RIC1: variants seen among roughly 807,000 people sequenced by gnomAD.
RIC1 encodes the protein RIC1 partner of RAB6A GEF complex, also known as guanine nucleotide exchange factor subunit RIC1.
Under a neutral mutation model 169.0 loss-of-function variants are expected in RIC1, and 88 were observed. The observed-to-expected ratio is 0.52, with a 90% CI of 0.44 to 0.62. The LOEUF is 0.62. RIC1 is among the 20% of genes least tolerant of loss of function. The probability of loss-of-function intolerance (pLI) is 0.00; values close to 1 mark genes in which losing one functional copy is unlikely to be tolerated. For synonymous variants in RIC1, 790 were observed against 601.5 expected (o/e 1.31, Z -4.59); for missense variants, 1,877 against 1,725.5 (o/e 1.09, Z -1.56).
At chr9:5,765,373 G>A (rs2131109288) in intron 19 of RIC1, 41 bp from the exon 20 acceptor site, 1 of 1,579,808 alleles carries the variant, frequency 6.3e-7, no homozygotes, top group African/African-American at 1.4e-5. Context: ...TTCCCAAATT[G>A]TGTAGTATAA....
At chr9:5,703,280 C>T (rs1431310983) in intron 3 of RIC1, among the ~76,000 whole-genome samples, 1 of 152,202 alleles carries the variant, frequency 6.6e-6, no homozygotes, top group African/African-American at 2.4e-5. Flanking sequence ...AAGAAAGGGA[C>T]TATAAGCCCC....
Position 5,754,894 on chromosome 9 carries a change from C to G in RIC1, c.1656C>G (p.Val552=), listed in dbSNP as rs192475946. Residue 552 remains valine, a synonymous_variant, in exon 15 of 26, where the codon GTC becomes GTG. Coordinates refer to ENST00000414202, the MANE Select transcript of RIC1 (RefSeq NM_020829.4). ...TAGCCTGGTGGAATGATTTTATGGT[C>G]CTTGCGTGTTATAACATAAATGACC... ...GGLAWWNDFM[V]LACYNINDRQ... is the part of the protein sequence containing the mutation. 3 of 1,571,128 alleles carry G rather than the reference C, an allele frequency of 1.9e-6. No homozygotes were observed. Among genetic ancestry groups the G allele is most frequent in the Non-Finnish European group, 2.6e-6 (3 of 1,152,480 alleles).
chr9:5,645,705 A>C (rs1162076847), intron 1 of RIC1, among the ~76,000 whole-genome samples: 1 of 152,224 alleles, frequency 6.6e-6, no homozygotes, highest in Non-Finnish European at 1.5e-5. Context: ...AGTTTTATCC[A>C]TGCTGTAGCA....
At chr9:5,759,607 T>A (rs1179427609) in intron 17 of RIC1, among the ~76,000 whole-genome samples, 1 of 152,232 alleles carries the variant, frequency 6.6e-6, no homozygotes, top group East Asian at 1.9e-4. Context: ...CAATTAGGGA[T>A]ATTTAAATAC....
At chr9:5,708,257 A>C (rs780406650) in intron 3 of RIC1, among the ~76,000 whole-genome samples, 1 of 152,118 alleles carries the variant, frequency 6.6e-6, no homozygotes, top group Non-Finnish European at 1.5e-5. Context: ...TAACATAGAT[A>C]TATAATTACT....
rs1454967143 is a variant in RIC1 at position 5,680,982 on chromosome 9, A to G, written c.253-8977A>G. Among the ~76,000 whole-genome samples the G allele has an allele frequency of 9.4e-5, 14 of 149,412 alleles. No homozygotes were observed. In the South Asian group the frequency reaches 1.1e-3, roughly 11 times the overall value. On this transcript the variant is annotated intron_variant, in intron 2 of 25. Transcript: ENST00000414202. ...GCTGGGACTACAGGCGCCCGCTACC[A>G]CGCCCGGCTAATTTTTTGTATTTTT...
At chr9:5,682,983 C>G (rs554749174) in intron 2 of RIC1, among the ~76,000 whole-genome samples, 2 of 152,184 alleles carry the variant, frequency 1.3e-5, no homozygotes, top group Admixed American at 1.3e-4. Context: ...GCATTCGTCA[C>G]GTAGTTCTCG....
chr9:5,698,394 A>G (rs1212929422), intron 3 of RIC1, among the ~76,000 whole-genome samples: 2 of 152,356 alleles, frequency 1.3e-5, no homozygotes, highest in Non-Finnish European at 2.9e-5. Flanking sequence ...GACCCATCCC[A>G]TAGAAACATT....
In RIC1 at chr9:5,689,331, G is replaced by A. The variant is rs142912994; in HGVS notation, c.253-628G>A. 1.1e-3 allele frequency among the ~76,000 whole-genome samples: 175 copies of A among 152,210 alleles called. 4 individuals are homozygous for A. The East Asian group carries it at 0.033, about 29-fold the overall frequency. Reference sequence around the variant, plus strand: ...CTCCCAAAATACTGGGATTACAGGTGTGAGCCACCGCGCCCGGCCTACAAT... The same window carrying A: ...CTCCCAAAATACTGGGATTACAGGTATGAGCCACCGCGCCCGGCCTACAAT... On this transcript the variant is annotated intron_variant, in intron 2 of 25. Coordinates refer to ENST00000414202, the MANE Select transcript of RIC1 (RefSeq NM_020829.4).
chr9:5,645,889 T>G (rs1818482669), intron 1 of RIC1, among the ~76,000 whole-genome samples: 1 of 152,150 alleles, frequency 6.6e-6, no homozygotes, highest in Non-Finnish European at 1.5e-5. Context: ...GATCCCTGCT[T>G]TACTTCTTTT....
At chr9:5,767,459 T>C (rs1826855824) in intron 21 of RIC1, among the ~76,000 whole-genome samples, 1 of 144,242 alleles carries the variant, frequency 6.9e-6, no homozygotes, top group African/African-American at 2.6e-5. Context: ...TAATCCTTTG[T>C]TTTATATTGT....
chr9:5,676,885 T>C (rs978834225), intron 2 of RIC1, among the ~76,000 whole-genome samples: 1 of 152,242 alleles, frequency 6.6e-6, no homozygotes, highest in Non-Finnish European at 1.5e-5. Context: ...ATTATGAGTA[T>C]TAGTTTACGG....
At position 5,773,966 on chromosome 9, in the gene RIC1, A is replaced by T. The variant is rs913904882; in HGVS notation, c.3992A>T (p.Tyr1331Phe). ...TTTTTTTCTCTACATAGTCCTGGAT[A>T]TAAGCCATTTTTAAACATCATTAAG... ...DRWASTDCPG[Y>F]KPFLNIIKPQ... Residue 1331 changes from tyrosine (Y) to phenylalanine (F), a missense_variant, in exon 26 of 26, where the codon TAT becomes TTT. Physicochemically the swap from Tyr to Phe is conservative, Grantham distance 22 (BLOSUM62 3). Coordinates refer to ENST00000414202, the MANE Select transcript of RIC1 (RefSeq NM_020829.4). 6.2e-7 allele frequency: 1 copy of T among 1,602,704 alleles called. No individual in the cohort carries two copies. The highest frequency in any genetic ancestry group is 8.5e-7 in the Non-Finnish European group (1 of 1,175,174).
chr9:5,701,762 T>C (rs113946858), intron 3 of RIC1, among the ~76,000 whole-genome samples: 8 of 152,224 alleles, frequency 5.3e-5, no homozygotes, highest in African/African-American at 1.9e-4. Flanking sequence ...ATCTATTATC[T>C]GTTCTTCCAA....
At chr9:5,745,586 G>C (rs1382038283) in intron 10 of RIC1, among the ~76,000 whole-genome samples, 2 of 152,152 alleles carry the variant, frequency 1.3e-5, no homozygotes, top group African/African-American at 4.8e-5. Flanking sequence ...GGTGTCTTCT[G>C]TAAGGAATTT....
At chr9:5,636,652 G>T (rs1224825926) in intron 1 of RIC1, among the ~76,000 whole-genome samples, 3 of 152,076 alleles carry the variant, frequency 2.0e-5, no homozygotes, top group Middle Eastern at 3.2e-3. Context: ...GATACTCATT[G>T]TTCTTGTGTA....
At chr9:5,665,263 T>C (rs1323269077) in intron 2 of RIC1, among the ~76,000 whole-genome samples, 2 of 152,190 alleles carry the variant, frequency 1.3e-5, no homozygotes, top group East Asian at 1.9e-4. Context: ...ACATTGTCAG[T>C]GGTGTGTTAA....
At chr9:5,747,530 A>G in intron 12 of RIC1, 25 bp downstream of exon 12, 1 of 1,572,426 alleles carries the variant, frequency 6.4e-7, no homozygotes, top group Non-Finnish European at 8.8e-7. Context: ...ACTGATTACT[A>G]GAGACTTATT....
intron 3 of RIC1, among the ~76,000 whole-genome samples, chr9:5,711,837 G>A (rs986123637): frequency 6.6e-6 from 1 of 151,984 alleles, no homozygotes; most frequent in Non-Finnish European, 1.5e-5. Flanking sequence ...TTGGTTTTTT[G>A]TCCTTGCGAC....
Sources: gnomAD v4.1 joint callset for allele counts (sites outside exome capture counted in the v4.1 genomes callset) on GRCh38, gnomAD v4.1.1 for gene constraint, MANE v1.5 for transcripts, NCBI Gene and HGNC (gene_info 2026-07-23, HGNC 2026-07-21) for gene names.